Variants in CA10 observed in about 807,000 individuals in gnomAD.
CA10 encodes carbonic anhydrase 10 (inactive), also known as carbonic anhydrase-related protein 10.
A neutral mutation model predicts 44.2 loss-of-function variants in CA10; 14 were observed. The observed-to-expected ratio is 0.32, with a 90% CI of 0.21 to 0.50. CA10 has a LOEUF of 0.50. CA10 is among the 20% of genes least tolerant of loss of function. The probability of loss-of-function intolerance (pLI) is 0.99; values close to 1 mark genes in which losing one functional copy is unlikely to be tolerated. For synonymous variants in CA10, 159 were observed against 141.6 expected, an observed-to-expected ratio of 1.12 and a Z score of -0.87; for missense variants, 350 against 409.7, an observed-to-expected ratio of 0.85 and a Z score of 1.26.
At chr17:51,886,934 C>A (rs116119609) in intron 3 of CA10, among the ~76,000 whole-genome samples, 2 of 152,008 alleles carry the variant, frequency 1.3e-5, no homozygotes, top group Non-Finnish European at 2.9e-5. Context: ...TCCATTCTCA[C>A]GCCTTACTTA....
intron 6 of CA10, among the ~76,000 whole-genome samples, chr17:51,637,148 G>A (rs575600002): frequency 1.3e-5 from 2 of 151,802 alleles, no homozygotes; most frequent in Non-Finnish European, 2.9e-5. Context: ...CTTTTAGCAC[G>A]TGATTGTTCT....
At chr17:51,934,010 A>C (rs913346409) in intron 2 of CA10, among the ~76,000 whole-genome samples, 1 of 152,060 alleles carries the variant, frequency 6.6e-6, no homozygotes, top group African/African-American at 2.4e-5. Context: ...TTATATCCCC[A>C]CTTCACGATC....
chr17:51,949,605 G>A (rs527525582), intron 2 of CA10, among the ~76,000 whole-genome samples: 2 of 152,116 alleles, frequency 1.3e-5, no homozygotes, highest in African/African-American at 2.4e-5. Context: ...AAGATTCCAC[G>A]CCAAAGAATG....
At chr17:51,896,866 G>A (rs1178365847) in intron 3 of CA10, among the ~76,000 whole-genome samples, 1 of 151,910 alleles carries the variant, frequency 6.6e-6, no homozygotes, top group East Asian at 1.9e-4. Context: ...CATGCTTGTT[G>A]GCCATGTGTA....
chr17:52,119,854 A>AT (rs533878545), intron 1 of CA10, among the ~76,000 whole-genome samples: 5 of 151,996 alleles, frequency 3.3e-5, no homozygotes, highest in Non-Finnish European at 5.9e-5. Context: ...AGCTGTTTTA[A>AT]TTTTTTTTCC....
chr17:51,944,188 A>T (rs1402969318), intron 2 of CA10, among the ~76,000 whole-genome samples: 1 of 152,220 alleles, frequency 6.6e-6, no homozygotes, highest in African/African-American at 2.4e-5. Flanking sequence ...ATGAACGGTC[A>T]TAATGGCTTA....
intron 2 of CA10, among the ~76,000 whole-genome samples, chr17:51,949,940 C>T (rs575499377): frequency 2.8e-4 from 42 of 152,214 alleles, no homozygotes; most frequent in Admixed American, 8.5e-4. Flanking sequence ...AAAAAATTTG[C>T]GTGCAATGCC....
chr17:52,030,297 A>G (rs976575668), intron 2 of CA10, among the ~76,000 whole-genome samples: 1 of 152,122 alleles, frequency 6.6e-6, no homozygotes, highest in Admixed American at 6.5e-5. Context: ...GGGCCTGTTG[A>G]CCTTTCTCTC....
intron 6 of CA10, among the ~76,000 whole-genome samples, chr17:51,638,074 T>C (rs1912915149): frequency 6.6e-6 from 1 of 152,268 alleles, no homozygotes; most frequent in Non-Finnish European, 1.5e-5. Flanking sequence ...CTCTCCTCCA[T>C]TTCTTCCTCT....
At chr17:51,907,952 ATCTG>A (rs1981629722) in intron 3 of CA10, among the ~76,000 whole-genome samples, 1 of 152,170 alleles carries the variant, frequency 6.6e-6, no homozygotes, top group African/African-American at 2.4e-5. Context: ...CTTAGACCTC[ATCTG>A]TCTAATTTTC....
At chr17:51,828,789 T>A (rs561733202) in intron 3 of CA10, among the ~76,000 whole-genome samples, 3 of 152,356 alleles carry the variant, frequency 2.0e-5, no homozygotes, top group South Asian at 2.1e-4. Flanking sequence ...GGAATAAATC[T>A]TTCAAAGATT....
At chr17:51,964,135 C>T (rs1983993528) in intron 2 of CA10, among the ~76,000 whole-genome samples, 1 of 151,906 alleles carries the variant, frequency 6.6e-6, no homozygotes, top group Non-Finnish European at 1.5e-5. Flanking sequence ...GTAAAACAGA[C>T]TTTAAACCAC....
chr17:51,632,818 AAG>A (rs1168702214), intron 8 of CA10, among the ~76,000 whole-genome samples: 1 of 152,130 alleles, frequency 6.6e-6, no homozygotes, highest in Admixed American at 6.6e-5. Flanking sequence ...AGCAGAAGGG[AAG>A]AGAGAGAGGG....
At chr17:51,932,271 G>A (rs1172622066) in intron 2 of CA10, among the ~76,000 whole-genome samples, 4 of 152,044 alleles carry the variant, frequency 2.6e-5, no homozygotes, top group Non-Finnish European at 4.4e-5. Context: ...AATCACATTA[G>A]CCTTCTTAAA....
intron 1 of CA10, among the ~76,000 whole-genome samples, chr17:52,075,751 C>G (rs915920327): frequency 1.3e-5 from 2 of 152,028 alleles, no homozygotes; most frequent in Non-Finnish European, 2.9e-5. Context: ...AGTCACTGAC[C>G]TAAAGGTGCT....
At chr17:51,864,832 C>T (rs1048030423) in intron 3 of CA10, among the ~76,000 whole-genome samples, 11 of 152,130 alleles carry the variant, frequency 7.2e-5, no homozygotes, top group African/African-American at 1.7e-4. Flanking sequence ...CAAACTGAGG[C>T]GTGCAGGTGG....
intron 2 of CA10, among the ~76,000 whole-genome samples, chr17:52,015,853 T>C (rs1232469019): frequency 1.3e-5 from 2 of 152,118 alleles, no homozygotes; most frequent in African/African-American, 2.4e-5. Flanking sequence ...TAGGATCTAA[T>C]TGGGAATGCT....
intron 3 of CA10, among the ~76,000 whole-genome samples, chr17:51,914,512 A>T (rs1981916132): frequency 6.6e-6 from 1 of 152,180 alleles, no homozygotes. Flanking sequence ...AACAAAACAG[A>T]CATGTAACAC....
chr17:51,950,337 C>G (rs1211555731), intron 2 of CA10, among the ~76,000 whole-genome samples: 1 of 152,130 alleles, frequency 6.6e-6, no homozygotes, highest in African/African-American at 2.4e-5. Context: ...CTTCTCTGTC[C>G]TTTTCTGTGC....
Sources: gnomAD v4.1 joint callset for allele counts (sites outside exome capture counted in the v4.1 genomes callset) on GRCh38, gnomAD v4.1.1 for gene constraint, MANE v1.5 for transcripts, NCBI Gene and HGNC (gene_info 2026-07-23, HGNC 2026-07-21) for gene names.